Variants in RANBP17 observed in about 807,000 individuals in gnomAD.
The protein encoded by RANBP17 is ran-binding protein 17.
Under a neutral mutation model 141.2 loss-of-function variants are expected in RANBP17, and 158 were observed. That is an observed-to-expected ratio of 1.12 (90% confidence interval 0.98 to 1.28). The LOEUF (loss-of-function observed/expected upper bound fraction) is 1.28. Ranked by LOEUF, RANBP17 falls within the 50% of genes most tolerant of loss-of-function variation. The pLI is 0.00. For synonymous variants in RANBP17, 430 were observed against 450.0 expected, an observed-to-expected ratio of 0.96 and a Z score of 0.56; for missense variants, 1,438 against 1,290.7, an observed-to-expected ratio of 1.11 and a Z score of -1.75.
chr5:170,941,434 T>G (rs985952321), intron 12 of RANBP17, among the ~76,000 whole-genome samples: 2 of 152,072 alleles, frequency 1.3e-5, no homozygotes, highest in African/African-American at 4.8e-5. Context: ...AAAGGTAAAA[T>G]CATTCTTGCT....
chr5:170,977,863 G>C (rs771527485), intron 14 of RANBP17, among the ~76,000 whole-genome samples: 1 of 152,010 alleles, frequency 6.6e-6, no homozygotes, highest in Non-Finnish European at 1.5e-5. Context: ...GGTAGTCATG[G>C]ACAAAAGGTA....
chr5:170,968,850 CAT>C (rs1776786604), intron 14 of RANBP17: 1 of 348,918 alleles, frequency 2.9e-6, no homozygotes, highest in African/African-American at 2.2e-5. Context: ...TAGGAATACT[CAT>C]AGTATGATAA....
chr5:171,016,373 C>A (rs899491919), intron 14 of RANBP17, among the ~76,000 whole-genome samples: 1 of 151,938 alleles, frequency 6.6e-6, no homozygotes, highest in African/African-American at 2.4e-5. Flanking sequence ...AGCTTACATA[C>A]CATAAAGACA....
At chr5:170,941,400 A>C (rs954545332) in intron 12 of RANBP17, among the ~76,000 whole-genome samples, 2 of 152,192 alleles carry the variant, frequency 1.3e-5, no homozygotes, top group Admixed American at 1.3e-4. Flanking sequence ...GAGGAAATTT[A>C]ATAATGGATA....
At chr5:170,934,698 T>C (rs901744178) in intron 12 of RANBP17, among the ~76,000 whole-genome samples, 1 of 152,232 alleles carries the variant, frequency 6.6e-6, no homozygotes, top group Non-Finnish European at 1.5e-5. Flanking sequence ...GGGCTTCCCT[T>C]TGTGGGTAAC....
chr5:171,033,261 C>T (rs1418660103), intron 14 of RANBP17, among the ~76,000 whole-genome samples: 2 of 152,006 alleles, frequency 1.3e-5, no homozygotes, highest in Non-Finnish European at 2.9e-5. Context: ...GTGGATAGGC[C>T]AGTGGTCTTC....
At chr5:171,121,291 A>T (rs1239954896) in intron 14 of RANBP17, among the ~76,000 whole-genome samples, 1 of 152,232 alleles carries the variant, frequency 6.6e-6, no homozygotes, top group Non-Finnish European at 1.5e-5. Context: ...CTGCTCCACC[A>T]GTCTGAGGGC....
chr5:171,180,050 T>C lies in RANBP17; in HGVS notation c.1866-3117T>C, dbSNP rs1016999141. Among the ~76,000 whole-genome samples the C allele has an allele frequency of 5.9e-5, 9 of 152,224 alleles. No homozygotes were observed. In the East Asian group the frequency reaches 1.7e-3, roughly 29 times the overall value. ...ACTGTCTTCACCCTCTTCGATGTTT[T>C]CATAACCACATGGCTAGAGACAGGG... is the stretch of plus-strand genomic sequence containing the variant. On this transcript the variant is annotated intron_variant, in intron 16 of 27. Coordinates refer to ENST00000523189, the MANE Select transcript of RANBP17 (RefSeq NM_022897.5).
At chr5:171,189,469 G>C (rs1761484104) in intron 18 of RANBP17, among the ~76,000 whole-genome samples, 1 of 152,158 alleles carries the variant, frequency 6.6e-6, no homozygotes, top group Non-Finnish European at 1.5e-5. Context: ...TCTAGCACCA[G>C]TCAGGGTCTT....
intron 14 of RANBP17, among the ~76,000 whole-genome samples, chr5:170,974,421 T>A (rs1777214575): frequency 6.6e-6 from 1 of 152,176 alleles, no homozygotes; most frequent in African/African-American, 2.4e-5. Flanking sequence ...TCCTACTTTC[T>A]GAACACACTG....
intron 25 of RANBP17, among the ~76,000 whole-genome samples, chr5:171,291,538 C>T (rs751783462): frequency 1.2e-4 from 18 of 152,122 alleles, no homozygotes; most frequent in Non-Finnish European, 2.2e-4. Context: ...GCAGAATTGC[C>T]AAGAGCTGTC....
intron 12 of RANBP17, among the ~76,000 whole-genome samples, chr5:170,932,811 CAGTATTTTATTGAGG>C: frequency 6.6e-6 from 1 of 152,212 alleles, no homozygotes; most frequent in East Asian, 1.9e-4. Flanking sequence ...TTTGGTTTGC[CAGTATTTTATTGAGG>C]ATTTTTGCAT....
chr5:171,252,096 G>C, intron 24 of RANBP17: 3 of 1,598,550 alleles, frequency 1.9e-6, no homozygotes, highest in Non-Finnish European at 2.6e-6. Context: ...CCACTCAGAA[G>C]AAAAAGTTGG....
intron 25 of RANBP17, among the ~76,000 whole-genome samples, chr5:171,290,265 A>G (rs1768408030): frequency 6.6e-6 from 1 of 151,710 alleles, no homozygotes; most frequent in South Asian, 2.1e-4. Flanking sequence ...GCTACTCAGG[A>G]GGCTGATGCA....
intron 13 of RANBP17, among the ~76,000 whole-genome samples, chr5:170,966,333 A>C (rs1304449697): frequency 4.6e-5 from 7 of 152,318 alleles, no homozygotes; most frequent in East Asian, 1.9e-4. Context: ...CACATCAAAA[A>C]GCTTATCCAC....
rs1412322800 is a variant in RANBP17, at chr5:170,965,484, T to C, written c.1575-2758T>C. On this transcript the variant is annotated intron_variant, in intron 13 of 27. Coordinates refer to ENST00000523189, the MANE Select transcript of RANBP17 (RefSeq NM_022897.5). ...ATGAAGTCCTTGCCCATGCCTATGTTCTGAATGGTAATGCCTAGGTTTTCT... is the reference window on the plus strand; with the variant it reads ...ATGAAGTCCTTGCCCATGCCTATGTCCTGAATGGTAATGCCTAGGTTTTCT... Among the ~76,000 whole-genome samples, 11 of 152,162 alleles carry C rather than the reference T, an allele frequency of 7.2e-5. No individual in the cohort carries two copies. In the East Asian group the frequency reaches 9.6e-4, roughly 13 times the overall value.
intron 14 of RANBP17, among the ~76,000 whole-genome samples, chr5:171,089,251 G>C (rs1267029689): frequency 9.7e-6 from 1 of 102,712 alleles, no homozygotes; most frequent in Non-Finnish European, 2.3e-5. Flanking sequence ...GCTGGGGGGG[G>C]CCTCCCAGTT....
intron 14 of RANBP17, among the ~76,000 whole-genome samples, chr5:171,070,620 G>A (rs970899631): frequency 1.3e-5 from 2 of 152,082 alleles, no homozygotes; most frequent in Non-Finnish European, 2.9e-5. Flanking sequence ...TCAAAAGCAG[G>A]TCAATGTTAG....
At chr5:170,976,742 C>T (rs1777402845) in intron 14 of RANBP17, among the ~76,000 whole-genome samples, 1 of 152,018 alleles carries the variant, frequency 6.6e-6, no homozygotes, top group African/African-American at 2.4e-5. Flanking sequence ...TTGACAAGGG[C>T]ATCAACATAA....
Sources: allele counts gnomAD v4.1 joint callset (sites outside exome capture counted in the v4.1 genomes callset), GRCh38; gene constraint gnomAD v4.1.1; transcripts MANE v1.5; gene names NCBI Gene and HGNC (gene_info 2026-07-23, HGNC 2026-07-21).